The following COA1 variants were observed in gnomAD, a reference collection of about 807,000 sequenced individuals.
The protein encoded by COA1 is cytochrome c oxidase assembly factor 1.
Under a neutral mutation model 16.0 loss-of-function variants are expected in COA1, and 13 were observed. That is an observed-to-expected ratio of 0.81 (90% CI 0.53 to 1.29). The LOEUF is 1.29. Among genes scored for constraint, COA1 ranks in the 50% most tolerant of loss-of-function variants. COA1 has a pLI of 0.00. For synonymous variants in COA1, 65 were observed against 65.7 expected (o/e 0.99, Z 0.05); for missense variants, 179 against 177.0 (o/e 1.01, Z -0.06).
chr7:43,726,330 GTTTCTATAACTCCTATAAT>G (rs1304501675), intron 1 of COA1, among the ~76,000 whole-genome samples: 4 of 152,132 alleles, frequency 2.6e-5, no homozygotes, highest in African/African-American at 7.2e-5. Context: ...TACTATGTCA[GTTTCTATAACTCCTATAAT>G]TAAAGAACAA....
At chr7:43,712,615 A>G (rs2095286333) in intron 1 of COA1, among the ~76,000 whole-genome samples, 1 of 152,180 alleles carries the variant, frequency 6.6e-6, no homozygotes, top group African/African-American at 2.4e-5. Flanking sequence ...GACTGAACAC[A>G]TGGCAGGCAC....
chr7:43,728,338 G>A (rs886291095), intron 1 of COA1, among the ~76,000 whole-genome samples: 1 of 127,950 alleles, frequency 7.8e-6, no homozygotes, highest in Non-Finnish European at 1.6e-5. Context: ...TTAAAGGACT[G>A]AAGACTTTTG....
intron 1 of COA1, among the ~76,000 whole-genome samples, chr7:43,655,313 T>G (rs368269929): frequency 1.0e-3 from 158 of 152,232 alleles, no homozygotes; most frequent in East Asian, 5.4e-3. Flanking sequence ...AGTGGCATAG[T>G]TTTTAAAAAG....
intron 1 of COA1, among the ~76,000 whole-genome samples, chr7:43,673,557 A>T (rs1038357437): frequency 6.6e-6 from 1 of 152,260 alleles, no homozygotes; most frequent in Non-Finnish European, 1.5e-5. Context: ...AATGTAAATT[A>T]GTTCAGCCAT....
intron 1 of COA1, among the ~76,000 whole-genome samples, chr7:43,683,436 T>A (rs1345483584): frequency 6.6e-6 from 1 of 151,868 alleles, no homozygotes; most frequent in Non-Finnish European, 1.5e-5. Context: ...ATCAAGACCA[T>A]CCTGGCTAAC....
At chr7:43,624,804 C>T (rs780033239) in intron 6 of COA1, 6 of 1,605,672 alleles carry the variant, frequency 3.7e-6, no homozygotes, top group Non-Finnish European at 5.1e-6. Flanking sequence ...ATTTGAGGAA[C>T]CTTTGCTACA....
At chr7:43,631,608 TC>T (rs2085179743) in intron 6 of COA1, 1 of 152,254 alleles carries the variant, frequency 6.6e-6, no homozygotes, top group Non-Finnish European at 1.5e-5. Flanking sequence ...AAATCCACTG[TC>T]ATCTGAGTTA....
intron 1 of COA1, among the ~76,000 whole-genome samples, chr7:43,722,091 CTTTTTT>C (rs34638426): frequency 7.6e-6 from 1 of 132,368 alleles, no homozygotes; most frequent in Admixed American, 7.6e-5. Flanking sequence ...ATTCTGGTAA[CTTTTTT>C]TTTTTTTTTT....
At chr7:43,693,312 T>C (rs529371005) in intron 1 of COA1, among the ~76,000 whole-genome samples, 2 of 152,278 alleles carry the variant, frequency 1.3e-5, no homozygotes, top group East Asian at 3.9e-4. Context: ...ACCCCCAACC[T>C]TAATCCTTAA....
At chr7:43,638,208 T>C (rs1384149283), downstream of COA1, among the ~76,000 whole-genome samples, 1 of 144,722 alleles carries the variant, frequency 6.9e-6, no homozygotes, top group African/African-American at 2.6e-5. Context: ...CATACTCTAC[T>C]AGCATGTTTA....
rs1425217341 is a variant in COA1, at chr7:43,691,398, AGGAAGGAAG to A, written c.-39+38022_-39+38030del. On this transcript the variant is annotated intron_variant, in intron 1 of 5. Coordinates refer to ENST00000223336, the MANE Select transcript of COA1 (RefSeq NM_018224.4). ...GAGGGAGGAAGGAAGGAAGGAAGGA[AGGAAGGAAG>A]GAAGGAAGAAAGAAAAAGAAAGAAA... is the stretch of plus-strand genomic sequence containing the variant. Among the ~76,000 whole-genome samples, 62 of 119,458 alleles carry A rather than the reference AGGAAGGAAG, an allele frequency of 5.2e-4. 1 individual carries two copies. Among genetic ancestry groups the A allele is most frequent in the African/African-American group, 1.9e-3 (61 of 31,290 alleles). 78.4% of individuals were successfully genotyped at this position (119,458 alleles called of 152,430 possible). A position where few individuals can be genotyped will look rare whatever the true frequency, so the allele number is the denominator to read the frequency against.
At chr7:43,691,342 AGGG>A (rs2094316131) in intron 1 of COA1, among the ~76,000 whole-genome samples, 10 of 13,606 alleles carry the variant, frequency 7.3e-4, no homozygotes, top group East Asian at 2.7e-3. Flanking sequence ...AAAGAGAGAG[AGGG>A]AGGGAGGGAG....
intron 1 of COA1, among the ~76,000 whole-genome samples, chr7:43,680,850 A>C (rs539321425): frequency 1.3e-5 from 2 of 152,030 alleles, no homozygotes; most frequent in African/African-American, 4.8e-5. Context: ...GTGTGCCTGT[A>C]GTTGCAGCTA....
chr7:43,668,569 T>A (rs1439150665), intron 1 of COA1, among the ~76,000 whole-genome samples: 2 of 152,236 alleles, frequency 1.3e-5, no homozygotes, highest in Non-Finnish European at 2.9e-5. Flanking sequence ...CTAGTCTAAT[T>A]GTTTTTAAGC....
intron 6 of COA1, chr7:43,623,661 G>GA (rs775268696): frequency 6.2e-7 from 1 of 1,607,532 alleles, no homozygotes; most frequent in South Asian, 1.1e-5. Context: ...TTAGTTTCAA[G>GA]AAATGAGTAT....
intron 4 of COA1, among the ~76,000 whole-genome samples, chr7:43,644,527 CTCTT>C (rs1336479378): frequency 6.6e-6 from 1 of 151,738 alleles, no homozygotes; most frequent in Non-Finnish European, 1.5e-5. Flanking sequence ...AGATGCATTT[CTCTT>C]TTTTTTTTAA....
intron 1 of COA1, among the ~76,000 whole-genome samples, chr7:43,682,952 T>C (rs1363509517): frequency 6.6e-6 from 1 of 152,126 alleles, no homozygotes; most frequent in African/African-American, 2.4e-5. Context: ...CAAATTCTAG[T>C]GATCTTGTGC....
At chr7:43,691,421 A>AAGAAAGAAAG (rs1554542664) in intron 1 of COA1, among the ~76,000 whole-genome samples, 1 of 87,516 alleles carries the variant, frequency 1.1e-5, no homozygotes, top group Non-Finnish European at 2.2e-5. Context: ...GGAAGAAAGA[A>AAGAAAGAAAG]AAAGAAAGAA....
At position 43,691,331 on chromosome 7, in the gene COA1, G is replaced by A. The variant is rs1419997223; in HGVS notation, c.-39+38098C>T. ...AAAGAAAGAAAGAAAGAAAGAAAGA[G>A]AAAGAGAGAGAGGGAGGGAGGGAGG... On this transcript the variant is annotated intron_variant, in intron 1 of 5. Coordinates refer to ENST00000223336, the MANE Select transcript of COA1 (RefSeq NM_018224.4). 1.3e-4 allele frequency among the ~76,000 whole-genome samples: 9 copies of A among 68,388 alleles called. No individual in the cohort carries two copies. In the South Asian group the frequency reaches 2.3e-3, roughly 17 times the overall value. The allele number at this position is 68,388 out of a possible 152,430, so 44.9% of individuals were successfully genotyped here.
Sources: gnomAD v4.1 joint callset for allele counts (sites outside exome capture counted in the v4.1 genomes callset) on GRCh38, gnomAD v4.1.1 for gene constraint, MANE v1.5 for transcripts, NCBI Gene and HGNC (gene_info 2026-07-23, HGNC 2026-07-21) for gene names.